Variants in NR6A1 observed in about 807,000 individuals in gnomAD.
NR6A1 encodes nuclear receptor subfamily 6 group A member 1.
Under a neutral mutation model 59.1 loss-of-function variants are expected in NR6A1, and 7 were observed. That is an observed-to-expected ratio of 0.12 (90% CI 0.07 to 0.22). The LOEUF (loss-of-function observed/expected upper bound fraction) is 0.22, where lower values mean the gene tolerates loss of function less well. NR6A1 is among the 10% of genes least tolerant of loss of function. The pLI, the probability that NR6A1 is intolerant of heterozygous loss-of-function variation, is 1.00. For missense variants in NR6A1, 468 were observed against 611.6 expected (o/e 0.77, Z 2.48); for synonymous variants, 243 against 236.1 (o/e 1.03, Z -0.27).
At chr9:124,717,233 C>T (rs1049872515) in intron 2 of NR6A1, among the ~76,000 whole-genome samples, 3 of 152,140 alleles carry the variant, frequency 2.0e-5, no homozygotes, top group Non-Finnish European at 4.4e-5. Context: ...CCAGTAATTC[C>T]TAGATGTATG....
At chr9:124,634,046 T>A (rs1836525405) in intron 2 of NR6A1, among the ~76,000 whole-genome samples, 1 of 152,250 alleles carries the variant, frequency 6.6e-6, no homozygotes, top group African/African-American at 2.4e-5. Flanking sequence ...ATGAATTAAG[T>A]TGATTATTCA....
At chr9:124,750,027 A>G (rs889000616) in intron 1 of NR6A1, among the ~76,000 whole-genome samples, 27 of 152,348 alleles carry the variant, frequency 1.8e-4, no homozygotes, top group African/African-American at 6.3e-4. Context: ...TACTATTCAA[A>G]AAGTAAATAC....
intron 2 of NR6A1, chr9:124,599,170 C>T (rs997311188): frequency 7.3e-5 from 41 of 562,276 alleles, no homozygotes; most frequent in Non-Finnish European, 1.3e-4. Context: ...TGGCCGGGGG[C>T]GGTGGCTCAC....
chr9:124,649,020 T>C (rs1837018203), intron 2 of NR6A1, among the ~76,000 whole-genome samples: 1 of 151,928 alleles, frequency 6.6e-6, no homozygotes, highest in Admixed American at 6.6e-5. Flanking sequence ...ATATCCACAC[T>C]ATCCAAAGAG....
chr9:124,615,035 T>G (rs922077420), intron 2 of NR6A1, among the ~76,000 whole-genome samples: 1 of 152,214 alleles, frequency 6.6e-6, no homozygotes, highest in Admixed American at 6.5e-5. Flanking sequence ...ACAAATAAGA[T>G]AGTTGGATTC....
At chr9:124,602,549 A>G (rs1835475451) in intron 2 of NR6A1, among the ~76,000 whole-genome samples, 1 of 152,238 alleles carries the variant, frequency 6.6e-6, no homozygotes, top group Admixed American at 6.5e-5. Context: ...TGGTGCTCCT[A>G]TAAAGGTAGA....
intron 2 of NR6A1, among the ~76,000 whole-genome samples, chr9:124,593,661 T>G (rs991102495): frequency 1.3e-5 from 2 of 152,228 alleles, no homozygotes; most frequent in East Asian, 3.9e-4. Flanking sequence ...TTTTCTCCTT[T>G]AAGCGGCAAT....
intron 2 of NR6A1, among the ~76,000 whole-genome samples, chr9:124,649,254 A>AAAAAAAAAC (rs1837028955): frequency 6.6e-6 from 1 of 151,186 alleles, no homozygotes; most frequent in African/African-American, 2.4e-5. Context: ...AAAAAAAAAA[A>AAAAAAAAAC]AGACACATAG....
intron 2 of NR6A1, among the ~76,000 whole-genome samples, chr9:124,676,882 G>C (rs188613771): frequency 8.9e-4 from 135 of 152,234 alleles, no homozygotes; most frequent in African/African-American, 3.2e-3. Flanking sequence ...TTTAAAATTC[G>C]TGACTAGAGC....
At chr9:124,606,487 A>G (rs1371004898) in intron 2 of NR6A1, among the ~76,000 whole-genome samples, 1 of 152,184 alleles carries the variant, frequency 6.6e-6, no homozygotes, top group African/African-American at 2.4e-5. Flanking sequence ...CAAGAAATCC[A>G]TAATTCTATA....
chr9:124,760,109 C>T (rs1218152584), intron 1 of NR6A1, among the ~76,000 whole-genome samples: 1 of 150,192 alleles, frequency 6.7e-6, no homozygotes, highest in South Asian at 2.1e-4. Context: ...ATCACAAGTT[C>T]GAGACCAGCC....
At chr9:124,553,338 C>G (rs1311514206) in intron 3 of NR6A1, among the ~76,000 whole-genome samples, 7 of 152,174 alleles carry the variant, frequency 4.6e-5, no homozygotes, top group Non-Finnish European at 7.4e-5. Flanking sequence ...TTTACTACCA[C>G]CTCTGTGCCA....
At chr9:124,615,987 A>G (rs962491286) in intron 2 of NR6A1, among the ~76,000 whole-genome samples, 1 of 151,972 alleles carries the variant, frequency 6.6e-6, no homozygotes, top group African/African-American at 2.4e-5. Flanking sequence ...TCAGCCTCAC[A>G]AAGCTGGGAT....
chr9:124,747,099 A>T (rs958288925), intron 1 of NR6A1, among the ~76,000 whole-genome samples: 1 of 151,984 alleles, frequency 6.6e-6, no homozygotes, highest in East Asian at 1.9e-4. Flanking sequence ...TCAGCCATAC[A>T]TATCTTTTGG....
At chr9:124,708,118 AGTCTACTGGCCCACTG>A (rs1321714098) in intron 2 of NR6A1, among the ~76,000 whole-genome samples, 18 of 152,324 alleles carry the variant, frequency 1.2e-4, no homozygotes, top group African/African-American at 4.3e-4. Flanking sequence ...AGCCCTGGCT[AGTCTACTGGCCCACTG>A]TTTATCCTAA....
chr9:124,695,134 A>C (rs1490545847), intron 2 of NR6A1, among the ~76,000 whole-genome samples: 1 of 152,056 alleles, frequency 6.6e-6, no homozygotes, highest in Non-Finnish European at 1.5e-5. Context: ...CTATTGCCCA[A>C]CCTTTTGTGT....
At chr9:124,724,534 CAAAA>C in intron 2 of NR6A1, among the ~76,000 whole-genome samples, 1 of 127,210 alleles carries the variant, frequency 7.9e-6, no homozygotes, top group East Asian at 2.2e-4. Flanking sequence ...TAGCACATAC[CAAAA>C]AAAAAAAAAA....
chr9:124,676,448 A>G (rs954430124), intron 2 of NR6A1, among the ~76,000 whole-genome samples: 4 of 152,220 alleles, frequency 2.6e-5, no homozygotes, highest in Non-Finnish European at 5.9e-5. Context: ...TTTAAAAAAA[A>G]AAATGACCTA....
chr9:124,527,518 C>CT (rs1321631004), intron 7 of NR6A1, among the ~76,000 whole-genome samples: 1 of 152,222 alleles, frequency 6.6e-6, no homozygotes, highest in African/African-American at 2.4e-5. Context: ...GTGCTGGGCA[C>CT]TTTGTGAGCA....
Sources: allele counts gnomAD v4.1 joint callset (sites outside exome capture counted in the v4.1 genomes callset), GRCh38; gene constraint gnomAD v4.1.1; transcripts MANE v1.5; gene names NCBI Gene and HGNC (gene_info 2026-07-23, HGNC 2026-07-21).